TOMM20: variants seen among roughly 807,000 people sequenced by gnomAD.
The protein encoded by TOMM20 is mitochondrial import receptor subunit TOM20 homolog.
In TOMM20, 10 loss-of-function variants were observed where a neutral mutation model predicts 22.1. That is an observed-to-expected ratio of 0.45 (90% confidence interval 0.28 to 0.77). The LOEUF (loss-of-function observed/expected upper bound fraction) is 0.77, where lower values mean the gene tolerates loss of function less well. TOMM20 is among the 30% of genes least tolerant of loss of function. TOMM20 has a pLI of 0.13. For synonymous variants in TOMM20, 55 were observed against 61.4 expected, an observed-to-expected ratio of 0.90 and a Z score of 0.49; for missense variants, 121 against 172.2, an observed-to-expected ratio of 0.70 and a Z score of 1.66.
intron 3 of TOMM20, among the ~76,000 whole-genome samples, chr1:235,116,199 T>C (rs1019631847): frequency 3.3e-5 from 5 of 151,902 alleles, no homozygotes; most frequent in African/African-American, 1.2e-4. Context: ...CTAAGGTCAG[T>C]TCAAGACCAG....
intron 3 of TOMM20, among the ~76,000 whole-genome samples, chr1:235,116,646 A>G (rs1660832607): frequency 6.6e-6 from 1 of 151,862 alleles, no homozygotes; most frequent in Non-Finnish European, 1.5e-5. Flanking sequence ...GGGAGGTGGA[A>G]GTTGCAGTGA....
chr1:235,120,861 C>T (rs996955127), intron 2 of TOMM20, among the ~76,000 whole-genome samples: 4 of 107,360 alleles, frequency 3.7e-5, no homozygotes, highest in African/African-American at 1.6e-4. Context: ...CAGGGTGAGA[C>T]CCTGTCTCAA....
chr1:235,125,521 G>A (rs1027788690), intron 1 of TOMM20, among the ~76,000 whole-genome samples: 1 of 151,216 alleles, frequency 6.6e-6, no homozygotes, highest in Admixed American at 6.6e-5. Flanking sequence ...GGCCGCCTAA[G>A]TCTCTCTTCT....
intron 3 of TOMM20, among the ~76,000 whole-genome samples, chr1:235,114,280 C>T (rs191408074): frequency 6.6e-6 from 1 of 151,954 alleles, no homozygotes; most frequent in Admixed American, 6.6e-5. Flanking sequence ...AAAGAAGACC[C>T]AATTTCACAT....
chr1:235,125,492 G>A (rs1299604385), intron 1 of TOMM20, among the ~76,000 whole-genome samples: 1 of 152,056 alleles, frequency 6.6e-6, no homozygotes, highest in East Asian at 1.9e-4. Context: ...TGGGTTTACA[G>A]GCCTGAGCCA....
At chr1:235,127,526 T>C (rs1661043855) in intron 1 of TOMM20, among the ~76,000 whole-genome samples, 1 of 152,214 alleles carries the variant, frequency 6.6e-6, no homozygotes, top group South Asian at 2.1e-4. Context: ...ACAGGGCTAC[T>C]GAACACTTGA....
At chr1:235,119,571 T>C (rs1189131196) in intron 3 of TOMM20, among the ~76,000 whole-genome samples, 1 of 152,194 alleles carries the variant, frequency 6.6e-6, no homozygotes, top group African/African-American at 2.4e-5. Context: ...TCATATGATA[T>C]AGCAAGAAAA....
intron 3 of TOMM20, among the ~76,000 whole-genome samples, chr1:235,116,992 G>C (rs549683115): frequency 6.6e-6 from 1 of 151,430 alleles, no homozygotes; most frequent in Non-Finnish European, 1.5e-5. Flanking sequence ...AAAACTAGCC[G>C]GGCGTGGTGG....
intron 3 of TOMM20, among the ~76,000 whole-genome samples, chr1:235,115,610 G>C (rs1466368814): frequency 6.6e-6 from 1 of 152,148 alleles, no homozygotes; most frequent in African/African-American, 2.4e-5. Flanking sequence ...CTGGGCGACA[G>C]AGCGAGACTC....
intron 3 of TOMM20, among the ~76,000 whole-genome samples, chr1:235,117,082 C>T (rs555779546): frequency 5.3e-4 from 64 of 121,236 alleles, no homozygotes; most frequent in African/African-American, 1.9e-3. Context: ...TTGCAGTGAG[C>T]GGAGATCGCG....
intron 3 of TOMM20, among the ~76,000 whole-genome samples, chr1:235,117,325 G>A (rs1488929563): frequency 3.3e-5 from 5 of 151,206 alleles, no homozygotes; most frequent in African/African-American, 7.3e-5. Context: ...GGGCTTGGTG[G>A]TGCATGCCTA....
chr1:235,114,000 C>T, intron 3 of TOMM20, 90 bp from the exon 4 acceptor site: 1 of 1,383,342 alleles, frequency 7.2e-7, no homozygotes, highest in Non-Finnish European at 9.7e-7. Flanking sequence ...ATGATGCTGA[C>T]CAAAAACACT....
chr1:235,128,488 GCGGTCGCCCT>G (rs1661073832), intron 1 of TOMM20, 97 bp downstream of exon 1: 1 of 1,553,238 alleles, frequency 6.4e-7, no homozygotes, highest in Admixed American at 1.9e-5. Context: ...GCCGCACCAC[GCGGTCGCCCT>G]GCGCGGCCCA....
intron 2 of TOMM20, among the ~76,000 whole-genome samples, chr1:235,120,131 C>T (rs1660903857): frequency 6.6e-6 from 1 of 152,128 alleles, no homozygotes; most frequent in Non-Finnish European, 1.5e-5. Flanking sequence ...AGCTCTAACT[C>T]GAATGTAAAG....
chr1:235,125,769 TCGCTCTGTCCC>T (rs1180285262), intron 1 of TOMM20, among the ~76,000 whole-genome samples: 19 of 150,332 alleles, frequency 1.3e-4, no homozygotes, highest in South Asian at 2.1e-4. Context: ...AGACCGAGTC[TCGCTCTGTCCC>T]CGCTCTGTCC....
Position 235,128,829 on chromosome 1 carries a change from C to T in TOMM20, c.-114G>A. ...ACACCCGACGGCCGCGGGCCAGGAA[C>T]ACAGAAAGGCCGAGCACACGCCACT... On this transcript the variant is annotated 5_prime_UTR_variant, in exon 1 of 5. Coordinates refer to ENST00000366607, the MANE Select transcript of TOMM20 (RefSeq NM_014765.3). 6.6e-7 allele frequency: 1 copy of T among 1,523,298 alleles called. No homozygotes were observed. Among genetic ancestry groups the T allele is most frequent in the East Asian group, 2.3e-5 (1 of 43,886 alleles). The allele number at this position is 1,523,298 out of a possible 1,614,324, so 94.4% of individuals were successfully genotyped here.
At chr1:235,115,850 T>A (rs1377424930) in intron 3 of TOMM20, among the ~76,000 whole-genome samples, 1 of 151,758 alleles carries the variant, frequency 6.6e-6, no homozygotes. Flanking sequence ...AGCACACACA[T>A]GTTTACTGCC....
chr1:235,127,677 G>T, intron 1 of TOMM20: 1 of 377,158 alleles, frequency 2.7e-6, no homozygotes, highest in Non-Finnish European at 5.3e-6. Flanking sequence ...ACCAAGATAA[G>T]CCAAAAAATA....
Position 235,111,927 on chromosome 1 carries a change from A to T in TOMM20, c.*137T>A. ...ATAAAATAGACAAATGGATCTACAC[A>T]AAGTAAACATTAACTTTGGTAGATT... On this transcript the variant is annotated 3_prime_UTR_variant, in exon 5 of 5. Transcript: ENST00000366607. 1.3e-6 allele frequency: 1 copy of T among 743,406 alleles called. No individual in the cohort carries two copies. Among genetic ancestry groups the T allele is most frequent in the Non-Finnish European group, 2.3e-6 (1 of 429,380 alleles). 46.1% of individuals were successfully genotyped at this position (743,406 alleles called of 1,614,324 possible). A position where few individuals can be genotyped will look rare whatever the true frequency, so the allele number is the denominator to read the frequency against.
Sources: allele counts gnomAD v4.1 joint callset (sites outside exome capture counted in the v4.1 genomes callset), GRCh38; gene constraint gnomAD v4.1.1; transcripts MANE v1.5; gene names NCBI Gene and HGNC (gene_info 2026-07-23, HGNC 2026-07-21).